Variants in KCTD1 observed in about 807,000 individuals in gnomAD.
KCTD1 encodes the protein potassium channel tetramerization domain containing 1, also known as BTB/POZ domain-containing protein KCTD1.
Under a neutral mutation model 66.0 loss-of-function variants are expected in KCTD1, and 24 were observed. The observed-to-expected ratio is 0.36, with a 90% CI of 0.26 to 0.51. KCTD1 has a LOEUF of 0.51. Ranked by LOEUF, KCTD1 falls within the 20% of genes least tolerant of loss-of-function variation. The pLI is 0.95. For synonymous variants in KCTD1, 511 were observed against 517.2 expected (o/e 0.99, Z 0.16); for missense variants, 943 against 1,205.2 (o/e 0.78, Z 3.22).
At chr18:26,625,314 GT>G (rs1987476038) in intron 1 of KCTD1, among the ~76,000 whole-genome samples, 2 of 152,124 alleles carry the variant, frequency 1.3e-5, no homozygotes, top group Admixed American at 1.3e-4. Flanking sequence ...GTTTGACTGT[GT>G]CCCCACGCCA....
At chr18:26,601,332 A>T (rs942025541) in intron 1 of KCTD1, among the ~76,000 whole-genome samples, 61 of 150,490 alleles carry the variant, frequency 4.1e-4, no homozygotes, top group African/African-American at 1.2e-3. Context: ...TTGGTAAAAA[A>T]AAAAAAAAAA....
chr18:26,460,111 T>C (rs1435469586), intron 3 of KCTD1, among the ~76,000 whole-genome samples, 186 bp from the exon 4 acceptor site: 3 of 152,138 alleles, frequency 2.0e-5, no homozygotes, highest in Non-Finnish European at 4.4e-5. Context: ...ATTCATTCAG[T>C]GAAGATAAAA....
chr18:26,562,553 C>A (rs1196456394), intron 1 of KCTD1, among the ~76,000 whole-genome samples: 1 of 152,194 alleles, frequency 6.6e-6, no homozygotes, highest in Non-Finnish European at 1.5e-5. Context: ...TGCGCCACTG[C>A]ACCCGGCCTC....
intron 1 of KCTD1, among the ~76,000 whole-genome samples, chr18:26,527,878 AT>A (rs34386296): frequency 0.68 from 103,752 of 151,950 alleles, 35,600 homozygotes; most frequent in East Asian, 0.82. Flanking sequence ...AAATCCAGTA[AT>A]TTTTTTTCCA....
intron 3 of KCTD1, among the ~76,000 whole-genome samples, chr18:26,470,460 C>T (rs769557451): frequency 1.1e-4 from 16 of 152,150 alleles, no homozygotes; most frequent in Non-Finnish European, 2.1e-4. Flanking sequence ...TGCCTGGTGC[C>T]GTGATGCAGT....
At chr18:26,529,599 T>A (rs1243544910) in intron 1 of KCTD1, among the ~76,000 whole-genome samples, 1 of 152,184 alleles carries the variant, frequency 6.6e-6, no homozygotes, top group East Asian at 1.9e-4. Flanking sequence ...AACTAACCGT[T>A]GAAGAAAAGT....
At position 26,476,749 on chromosome 18, in the gene KCTD1, A is replaced by G; in HGVS notation, c.1989-90T>C. The stretch of plus-strand genomic sequence containing the variant: ...GGTGTCTTTTATCACTGTCAAAGGT[A>G]GCACTTTTGAAGATGGCAGTAGGGA... On this transcript the variant is annotated intron_variant, in intron 2 of 4. Transcript: ENST00000580059. This position sits in a 1 kb window ranked among gnomAD's most constrained non-coding sequence, Gnocchi z 4.9. 1 of 1,197,326 alleles carries G rather than the reference A, an allele frequency of 8.4e-7. No homozygotes were observed. The highest frequency in any genetic ancestry group is 1.2e-6 in the Non-Finnish European group (1 of 836,462). The allele number at this position is 1,197,326 out of a possible 1,614,324, so 74.2% of individuals were successfully genotyped here.
intron 1 of KCTD1, among the ~76,000 whole-genome samples, chr18:26,611,949 T>C (rs1023728745): frequency 6.6e-6 from 1 of 152,198 alleles, no homozygotes; most frequent in Non-Finnish European, 1.5e-5. Context: ...GCTTAGCTAA[T>C]TACCCACCAC....
At chr18:26,548,863 C>T (rs936969377), upstream of KCTD1, 25 of 1,008,718 alleles carry the variant, frequency 2.5e-5, no homozygotes, top group African/African-American at 3.8e-4. Context: ...GGAGAGCTGT[C>T]GGTGGGGGCG....
intron 1 of KCTD1, among the ~76,000 whole-genome samples, chr18:26,573,384 C>T (rs146055134): frequency 2.0e-5 from 3 of 152,096 alleles, no homozygotes; most frequent in East Asian, 1.9e-4. Context: ...CTGAACTATA[C>T]GCTTAAAAAT....
rs758905783 is a variant in KCTD1 at position 26,455,753 on chromosome 18, G to A, written c.2588C>T (p.Pro863Leu). The change falls in exon 5 of 5, where the codon CCT becomes CTT. Residue 863 changes from proline to leucine, a missense_variant. By Grantham distance (98) the Pro-to-Leu change is moderately conservative (BLOSUM62 -3). Around this residue, in one of 10 missense-constraint regions of KCTD1, gnomAD observed 162 missense variants for 232.4 expected, o/e 0.70. Transcript: ENST00000580059. ...AAGAAATATGTCCATTTAGTCCAGA[G>A]GCTCTTGCTTTATCCGGATGACGGA... ...VPSVIRIKQE[P>L]LD 1.2e-6 allele frequency: 2 copies of A among 1,614,090 alleles called. No homozygotes were observed. The highest frequency in any genetic ancestry group is 3.3e-5 in the Admixed American group (2 of 59,982).
chr18:26,526,865 T>TG (rs1984186286), intron 1 of KCTD1, among the ~76,000 whole-genome samples: 1 of 147,658 alleles, frequency 6.8e-6, no homozygotes, highest in Non-Finnish European at 1.5e-5. Flanking sequence ...TCTTACATTT[T>TG]GGGTTTTTTT....
intron 4 of KCTD1, chr18:26,458,585 G>A (rs1022041899): frequency 7.2e-5 from 11 of 152,260 alleles, no homozygotes; most frequent in African/African-American, 2.7e-4. Context: ...ACATGCTCAG[G>A]CCATGGCCCA....
chr18:26,480,211 G>T (rs57604256), intron 2 of KCTD1, among the ~76,000 whole-genome samples: 1 of 149,946 alleles, frequency 6.7e-6, no homozygotes, highest in Non-Finnish European at 1.5e-5. Context: ...CCAAAGCAGA[G>T]AAAATAATAG....
At chr18:26,579,142 TC>T (rs2144916575) in intron 1 of KCTD1, among the ~76,000 whole-genome samples, 1 of 152,280 alleles carries the variant, frequency 6.6e-6, no homozygotes, top group African/African-American at 2.4e-5. Flanking sequence ...TTTGTCTCAC[TC>T]CACTATACCT....
chr18:26,651,505 C>T (rs374675943), intron 1 of KCTD1, among the ~76,000 whole-genome samples: 5 of 152,020 alleles, frequency 3.3e-5, no homozygotes, highest in East Asian at 1.9e-4. Flanking sequence ...TAAAGTTGGC[C>T]GAGTGTGGTG....
intron 1 of KCTD1, among the ~76,000 whole-genome samples, chr18:26,649,668 C>A (rs537920563): frequency 2.6e-4 from 39 of 152,064 alleles, no homozygotes; most frequent in Non-Finnish European, 4.4e-4. Context: ...GCCACCACGC[C>A]CGGCTAATTT....
chr18:26,602,033 T>C (rs1000263268), intron 1 of KCTD1, among the ~76,000 whole-genome samples: 2 of 152,178 alleles, frequency 1.3e-5, no homozygotes, highest in African/African-American at 2.4e-5. Flanking sequence ...CCATGATGAA[T>C]GGAAGTGATG....
Position 26,476,710 on chromosome 18 carries a change from C to T in KCTD1, c.1989-51G>A. 1 of 1,544,016 alleles carries T rather than the reference C, an allele frequency of 6.5e-7. No individual in the cohort carries two copies. The highest frequency in any genetic ancestry group is 8.9e-7 in the Non-Finnish European group (1 of 1,125,084). On this transcript the variant is annotated intron_variant, in intron 2 of 4. Coordinates refer to ENST00000580059, the MANE Select transcript of KCTD1 (RefSeq NM_001142730.3). This position sits in a 1 kb window ranked among gnomAD's most constrained non-coding sequence, Gnocchi z 4.9. ...AAGACAATTAGATCAATTGTTCGGG[C>T]ACTAGGACTAAGAGGTGTCTTTTAT...
Sources: gnomAD v4.1 joint callset for allele counts (sites outside exome capture counted in the v4.1 genomes callset) on GRCh38, gnomAD v4.1.1 for gene constraint, gnomAD v4.1.1 regional missense constraint, Gnocchi (gnomAD v3.1) non-coding constraint, MANE v1.5 for transcripts, NCBI Gene and HGNC (gene_info 2026-07-23, HGNC 2026-07-21) for gene names.